The following ITM2A variants were observed in gnomAD, a reference collection of about 807,000 sequenced individuals.
ITM2A encodes the protein BRICHOS domain containing 2A.
ITM2A carries 11 observed loss-of-function variants against 16.6 expected under a neutral mutation model. That is an observed-to-expected ratio of 0.66 (90% CI 0.42 to 1.10). The LOEUF is 1.10. ITM2A is among the 50% of genes least tolerant of loss of function. The probability of loss-of-function intolerance (pLI) is 0.00; values close to 1 mark genes in which losing one functional copy is unlikely to be tolerated. For missense variants in ITM2A, 243 were observed against 206.8 expected, an observed-to-expected ratio of 1.17 and a Z score of -1.07; for synonymous variants, 102 against 71.2, an observed-to-expected ratio of 1.43 and a Z score of -2.18.
chrX:79,367,135 G>T lies in ITM2A; in HGVS notation c.81C>A (p.Arg27=). The T allele has an allele frequency of 8.3e-7, 1 of 1,207,228 alleles. No individual in the cohort carries two copies. The highest frequency in any genetic ancestry group is 1.7e-5 in the African/African-American group (1 of 57,586). The part of the protein sequence containing the change: ...ARQDVEALLS[R]TVRTQILTGK... ...CGGTCAGTATCTGAGTTCTGACCGT[G>T]CGGCTCAGGAGGGCCTCCACGTCTT... The change falls in exon 1 of 6, where the codon CGC becomes CGA. Residue 27 remains arginine (R), a synonymous_variant. Coordinates refer to ENST00000373298, the MANE Select transcript of ITM2A (RefSeq NM_004867.5).
At chrX:79,364,569 A>G (rs1408490717) in intron 1 of ITM2A, among the ~76,000 whole-genome samples, 1 of 112,045 alleles carries the variant, frequency 8.9e-6, no homozygotes, top group East Asian at 2.8e-4. Flanking sequence ...TTACTCAAGG[A>G]CTGAATAAAT....
chrX:79,362,716 G>T, intron 3 of ITM2A, 25 bp from the exon 4 acceptor site: 2 of 1,058,124 alleles, frequency 1.9e-6, no homozygotes, highest in Non-Finnish European at 2.6e-6. Context: ...AAAAAAGTCA[G>T]GTAAGACACA....
In ITM2A at chrX:79,362,696, T is replaced by C; in HGVS notation, c.442-5A>G. 3 of 1,157,878 alleles carry C rather than the reference T, an allele frequency of 2.6e-6. No individual in the cohort carries two copies. In the African/African-American group the frequency reaches 5.3e-5, roughly 21 times the overall value. ...GTCCAGGTAAGCAGTCATTCCCTGTTAGGTAGGGGAAAAAAGTCAGGTAAG... is the reference window on the plus strand; with the variant it reads ...GTCCAGGTAAGCAGTCATTCCCTGTCAGGTAGGGGAAAAAAGTCAGGTAAG... On this transcript the variant is annotated splice_polypyrimidine_tract_variant and splice_region_variant and intron_variant, in intron 3 of 5. Transcript: ENST00000373298.
chrX:79,365,816 C>CA (rs1925555378), intron 1 of ITM2A, among the ~76,000 whole-genome samples: 1 of 111,662 alleles, frequency 9.0e-6, no homozygotes, highest in African/African-American at 3.3e-5. Context: ...CTCAACAATG[C>CA]AAGAGGGTGT....
chrX:79,362,777 C>T (rs1925466937), intron 3 of ITM2A, 86 bp from the exon 4 acceptor site: 1 of 737,820 alleles, frequency 1.4e-6, no homozygotes, highest in Non-Finnish European at 2.0e-6. Context: ...TAAGCGGCTA[C>T]ATCCTTTCAA....
Position 79,363,011 on chromosome X carries a change from T to G in ITM2A, c.372A>C (p.Ala124=). The change falls in exon 3 of 6, where the codon GCA becomes GCC. Residue 124 remains alanine (A), a synonymous_variant. Transcript: ENST00000373298. ...AACTGGGGACAGGCACATCAATGAT[T>G]GCAATGTTGTCATCCTCACGAATGT... ...EADIREDDNI[A]IIDVPVPSFS... 1.7e-6 allele frequency: 2 copies of G among 1,206,172 alleles called. No homozygotes were observed. The highest frequency in any genetic ancestry group is 2.2e-6 in the Non-Finnish European group (2 of 890,620).
At chrX:79,363,238 A>T in intron 2 of ITM2A, 99 bp from the exon 3 acceptor site, 2 of 804,082 alleles carry the variant, frequency 2.5e-6, no homozygotes, top group South Asian at 5.1e-5. Context: ...ACTATGTGTT[A>T]AGCCGAGGCT....
At position 79,363,531 on chromosome X, in the gene ITM2A, T is replaced by C; in HGVS notation, c.135A>G (p.Glu45=). ...TACATCTCCCAGAGGAGCCCTCTTT[T>C]TCCTGGGTGGCAACTCGGAGCTCCT... ...TGKELRVATQ[E]KEGSSGRCML... is the part of the protein sequence containing the mutation. Residue 45 remains glutamate (E), a synonymous_variant, in exon 2 of 6, where the codon GAA becomes GAG. Transcript: ENST00000373298. 1 of 1,186,672 alleles carries C rather than the reference T, an allele frequency of 8.4e-7. No individual in the cohort carries two copies. The highest frequency in any genetic ancestry group is 1.1e-6 in the Non-Finnish European group (1 of 882,423).
Position 79,361,053 on chromosome X carries a change from A to C in ITM2A, c.*36T>G. ...GTTAAAGTCATATTGTAAATCTCTGACTTCTTATTACCAAGGACACTCTAT... is the reference window on the plus strand; with the variant it reads ...GTTAAAGTCATATTGTAAATCTCTGCCTTCTTATTACCAAGGACACTCTAT... On this transcript the variant is annotated 3_prime_UTR_variant, in exon 6 of 6. Coordinates refer to ENST00000373298, the MANE Select transcript of ITM2A (RefSeq NM_004867.5). 1.2e-6 allele frequency: 1 copy of C among 850,699 alleles called. No homozygotes were observed. The highest frequency in any genetic ancestry group is 1.7e-6 in the Non-Finnish European group (1 of 582,421). The allele number at this position is 850,699 out of a possible 1,213,427, so 70.1% of individuals were successfully genotyped here.
intron 1 of ITM2A, 51 bp downstream of exon 1, chrX:79,367,054 A>G (rs1214989217): frequency 1.1e-6 from 1 of 881,580 alleles, no homozygotes; most frequent in South Asian, 2.2e-5. Context: ...CTCTGCTACC[A>G]GCCTTCTTTC....
At chrX:79,366,756 G>A in intron 1 of ITM2A, 1 of 166,123 alleles carries the variant, frequency 6.0e-6, no homozygotes, top group African/African-American at 3.0e-5. Flanking sequence ...CCTGGAGGTG[G>A]GGACTGGGCG....
In ITM2A at chrX:79,363,084, G is replaced by GA. The variant is rs1413024962; in HGVS notation, c.298dup (p.Ser100PhefsTer8). On this transcript the variant is annotated frameshift_variant, in exon 3 of 6. Transcript: ENST00000373298. LOFTEE classifies it high-confidence loss of function. ...GAAGTTAGGCTCTCCTCCACGAAGG[G>GA]AATTTGCAGGATCCTCAGAATCAAA... The GA allele has an allele frequency of 5.8e-6, 7 of 1,207,401 alleles. No homozygotes were observed. The highest frequency in any genetic ancestry group is 7.8e-6 in the Non-Finnish European group (7 of 893,796).
At position 79,361,461 on chromosome X, in the gene ITM2A, G is replaced by C; in HGVS notation, c.571C>G (p.Gln191Glu). Reference sequence around the variant, plus strand: ...AGGTCTTCTCGAACCACATAAGTTTGAGGCAGATATCTGCCACTCTAAAAA... The same window carrying C: ...AGGTCTTCTCGAACCACATAAGTTTCAGGCAGATATCTGCCACTCTAAAAA... ...GKLASGRYLPQTYVVREDLVA... is the reference protein window; with the variant it reads ...GKLASGRYLPETYVVREDLVA... Residue 191 changes from glutamine (Q) to glutamate (E), a missense_variant, in exon 5 of 6, where the codon CAA becomes GAA. Coordinates refer to ENST00000373298, the MANE Select transcript of ITM2A (RefSeq NM_004867.5). 1 of 1,201,314 alleles carries C rather than the reference G, an allele frequency of 8.3e-7. No individual in the cohort carries two copies. Among genetic ancestry groups the C allele is most frequent in the Non-Finnish European group, 1.1e-6 (1 of 889,601 alleles).
chrX:79,367,064 C>A (rs1218539062), intron 1 of ITM2A, 41 bp downstream of exon 1: 9 of 963,467 alleles, frequency 9.3e-6, no homozygotes, highest in Non-Finnish European at 1.3e-5. Flanking sequence ...AGCCTTCTTT[C>A]TTTCGCCCAC....
Position 79,363,473 on chromosome X carries a change from C to A in ITM2A, c.193G>T (p.Ala65Ser), listed in dbSNP as rs774744213. The part of the protein sequence containing the change: ...LTLLGLSFIL[A>S]GLIVGGACIY... ...CAGGCTCCACCAACAATAAGTCCTG[C>A]CAAGATGAATGAAAGGCCTAAGAGA... Residue 65 changes from alanine to serine, a missense_variant, in exon 2 of 6, where the codon GCA becomes TCA. By Grantham distance (99) the Ala-to-Ser change is moderately conservative. Coordinates refer to ENST00000373298, the MANE Select transcript of ITM2A (RefSeq NM_004867.5). 13 of 1,186,110 alleles carry A rather than the reference C, an allele frequency of 1.1e-5. No homozygotes were observed. The East Asian group carries it at 3.3e-4, about 30-fold the overall frequency.
chrX:79,363,358 A>T, intron 2 of ITM2A, 65 bp downstream of exon 2: 1 of 938,455 alleles, frequency 1.1e-6, no homozygotes, highest in Non-Finnish European at 1.4e-6. Flanking sequence ...AGAATTTTTT[A>T]AGTTGCTACT....
chrX:79,366,583 A>G (rs1925581696), intron 1 of ITM2A, among the ~76,000 whole-genome samples: 1 of 111,511 alleles, frequency 9.0e-6, no homozygotes, highest in African/African-American at 3.3e-5. Context: ...TGGAGTTAAA[A>G]GTGCCCTTTG....
At chrX:79,362,798 T>C (rs929441396) in intron 3 of ITM2A, 107 bp from the exon 4 acceptor site, 2 of 686,774 alleles carry the variant, frequency 2.9e-6, no homozygotes, top group Non-Finnish European at 4.4e-6. Context: ...AATCAACTAA[T>C]GTGTATTCAA....
chrX:79,367,253 A>AT lies in ITM2A; in HGVS notation c.-39dup. ...GGCTGCGCGGTAAGGCGCTGCTGGA[A>AT]TCAGCGTCCTGGGCTGCAGACTGCA... On this transcript the variant is annotated 5_prime_UTR_variant, in exon 1 of 6. Coordinates refer to ENST00000373298, the MANE Select transcript of ITM2A (RefSeq NM_004867.5). The AT allele has an allele frequency of 1.0e-6, 1 of 994,173 alleles. No individual in the cohort carries two copies. The highest frequency in any genetic ancestry group is 2.3e-5 in the Admixed American group (1 of 42,721). 81.9% of individuals were successfully genotyped at this position (994,173 alleles called of 1,213,427 possible). A position where few individuals can be genotyped will look rare whatever the true frequency, so the allele number is the denominator to read the frequency against.
Sources: gnomAD v4.1 joint callset for allele counts (sites outside exome capture counted in the v4.1 genomes callset) on GRCh38, gnomAD v4.1.1 for gene constraint, MANE v1.5 for transcripts, NCBI Gene and HGNC (gene_info 2026-07-23, HGNC 2026-07-21) for gene names.